Variants in TAFA1 observed in about 807,000 individuals in gnomAD.
The protein encoded by TAFA1 is TAFA chemokine like family member 1.
In TAFA1, 4 loss-of-function variants were observed where a neutral mutation model predicts 18.5. The observed-to-expected ratio is 0.22, with a 90% confidence interval of 0.11 to 0.49. The LOEUF is 0.49. Among genes scored for constraint, TAFA1 ranks in the 20% least tolerant of loss-of-function variants. The pLI, the probability that TAFA1 is intolerant of heterozygous loss-of-function variation, is 0.98. For synonymous variants in TAFA1, 56 were observed against 55.2 expected, an observed-to-expected ratio of 1.01 and a Z score of -0.06; for missense variants, 147 against 169.0, an observed-to-expected ratio of 0.87 and a Z score of 0.72.
intron 2 of TAFA1, among the ~76,000 whole-genome samples, chr3:68,234,988 G>T (rs2066911773): frequency 6.6e-6 from 1 of 152,180 alleles, no homozygotes; most frequent in East Asian, 1.9e-4. Context: ...TGTAATAAAC[G>T]CTTGACTCAT....
intron 2 of TAFA1, among the ~76,000 whole-genome samples, chr3:68,300,316 C>T (rs930525927): frequency 1.7e-4 from 26 of 152,134 alleles, no homozygotes; most frequent in African/African-American, 5.6e-4. Flanking sequence ...AATGACTGCC[C>T]AGGTGTAATT....
chr3:68,413,738 GTGT>G (rs1320724847), intron 2 of TAFA1, among the ~76,000 whole-genome samples: 1 of 152,058 alleles, frequency 6.6e-6, no homozygotes, highest in East Asian at 1.9e-4. Flanking sequence ...AAAGTTACAG[GTGT>G]TGGGGGCAGG....
chr3:68,287,995 T>C (rs539949145), intron 2 of TAFA1, among the ~76,000 whole-genome samples: 5 of 151,898 alleles, frequency 3.3e-5, no homozygotes, highest in African/African-American at 1.2e-4. Flanking sequence ...AAATATCGAT[T>C]TTCACAGGCC....
chr3:68,196,104 A>G (rs1298775091), intron 2 of TAFA1, among the ~76,000 whole-genome samples: 1 of 151,782 alleles, frequency 6.6e-6, no homozygotes, highest in Non-Finnish European at 1.5e-5. Context: ...GGACAGGTAT[A>G]TATTAAGTGG....
chr3:68,154,512 A>AAAAG (rs2065843313), intron 2 of TAFA1, among the ~76,000 whole-genome samples: 1 of 152,168 alleles, frequency 6.6e-6, no homozygotes, highest in South Asian at 2.1e-4. Context: ...GAGCCTCTTT[A>AAAAG]GCTTATAATA....
chr3:68,409,009 A>G (rs2070663174), intron 2 of TAFA1, among the ~76,000 whole-genome samples: 1 of 152,166 alleles, frequency 6.6e-6, no homozygotes, highest in Admixed American at 6.6e-5. Context: ...TTAAAAATCA[A>G]AATCATGCAC....
intron 3 of TAFA1, among the ~76,000 whole-genome samples, chr3:68,486,401 C>T (rs183962443): frequency 4.6e-5 from 7 of 152,214 alleles, no homozygotes; most frequent in Non-Finnish European, 1.0e-4. Context: ...AAATTCAGGC[C>T]GTCTACCTGG....
At chr3:68,432,901 C>T (rs1480187106) in intron 3 of TAFA1, among the ~76,000 whole-genome samples, 1 of 152,010 alleles carries the variant, frequency 6.6e-6, no homozygotes. Context: ...TCTTAGCCCT[C>T]ACACGAGAGC....
intron 2 of TAFA1, among the ~76,000 whole-genome samples, chr3:68,354,135 T>A (rs1421204577): frequency 6.9e-6 from 1 of 145,090 alleles, no homozygotes; most frequent in African/African-American, 2.6e-5. Context: ...TACATTTTAT[T>A]TGAATTTCAT....
chr3:68,304,304 C>G (rs1235296001), intron 2 of TAFA1, among the ~76,000 whole-genome samples: 1 of 152,168 alleles, frequency 6.6e-6, no homozygotes, highest in Non-Finnish European at 1.5e-5. Context: ...CAGGTTAATA[C>G]AAACAAATTT....
chr3:68,525,516 T>C lies in TAFA1; in HGVS notation c.260-13240T>C, dbSNP rs538242728. ...CCAGACAATTCCACAAAAATAACCA[T>C]GCTAGTTGTGTGGTATTGTATAGGA... On this transcript the variant is annotated intron_variant, in intron 3 of 4. Transcript: ENST00000478136. Among the ~76,000 whole-genome samples the C allele has an allele frequency of 2.9e-4, 44 of 152,302 alleles. No homozygotes were observed. The East Asian group carries it at 5.4e-3, about 19-fold the overall frequency.
chr3:68,094,416 C>T (rs2065064000), intron 2 of TAFA1, among the ~76,000 whole-genome samples: 1 of 152,138 alleles, frequency 6.6e-6, no homozygotes, highest in South Asian at 2.1e-4. Flanking sequence ...GAGGTATCTC[C>T]AGTTCCTGGA....
chr3:68,222,038 TCTAA>T (rs1459134906), intron 2 of TAFA1, among the ~76,000 whole-genome samples: 3 of 152,320 alleles, frequency 2.0e-5, no homozygotes, highest in East Asian at 3.9e-4. Flanking sequence ...CCAAAAATCC[TCTAA>T]CTTTTTCATT....
intron 3 of TAFA1, among the ~76,000 whole-genome samples, chr3:68,444,622 C>T (rs1298498285): frequency 1.3e-5 from 2 of 151,830 alleles, no homozygotes; most frequent in Admixed American, 6.6e-5. Context: ...CTGCTGCTAG[C>T]TCTTCTTTTA....
intron 2 of TAFA1, among the ~76,000 whole-genome samples, chr3:68,066,486 C>A (rs559596177): frequency 1.3e-5 from 2 of 152,262 alleles, no homozygotes; most frequent in South Asian, 4.1e-4. Context: ...AAGAACATCA[C>A]CATCTTTTTC....
At chr3:68,200,492 A>G (rs2107037564) in intron 2 of TAFA1, among the ~76,000 whole-genome samples, 1 of 151,668 alleles carries the variant, frequency 6.6e-6, no homozygotes, top group Non-Finnish European at 1.5e-5. Flanking sequence ...GCTATTAATG[A>G]TTGTGTCAAT....
chr3:68,414,263 C>T (rs1462085547), intron 2 of TAFA1, among the ~76,000 whole-genome samples: 6 of 152,194 alleles, frequency 3.9e-5, no homozygotes, highest in South Asian at 2.1e-4. Context: ...ACTGAGATCG[C>T]GCCATTGCAC....
intron 2 of TAFA1, among the ~76,000 whole-genome samples, chr3:68,354,052 AC>A (rs1290925521): frequency 6.6e-6 from 1 of 151,920 alleles, no homozygotes; most frequent in Non-Finnish European, 1.5e-5. Context: ...ATACTAACTG[AC>A]CCTCGAGTTT....
intron 2 of TAFA1, among the ~76,000 whole-genome samples, chr3:68,380,622 T>C (rs2106668918): frequency 6.6e-6 from 1 of 152,324 alleles, no homozygotes; most frequent in Middle Eastern, 3.4e-3. Flanking sequence ...GGTTGTTTGT[T>C]TTTTTCTTGT....
Sources: allele counts gnomAD v4.1 joint callset (sites outside exome capture counted in the v4.1 genomes callset), GRCh38; gene constraint gnomAD v4.1.1; transcripts MANE v1.5; gene names NCBI Gene and HGNC (gene_info 2026-07-23, HGNC 2026-07-21).